The following ZNF407 variants were observed in gnomAD, a reference collection of about 807,000 sequenced individuals.
ZNF407 encodes the protein zinc finger protein 407.
A neutral mutation model predicts 131.2 loss-of-function variants in ZNF407; 17 were observed. The ratio of observed to expected loss-of-function variants is 0.13; its 90% confidence interval spans 0.09 to 0.19. The LOEUF (loss-of-function observed/expected upper bound fraction) is 0.19. Among genes scored for constraint, ZNF407 ranks in the 10% least tolerant of loss-of-function variants. The pLI is 1.00. For synonymous variants in ZNF407, 1,156 were observed against 1,062.0 expected, an observed-to-expected ratio of 1.09 and a Z score of -1.72; for missense variants, 2,681 against 2,830.6, an observed-to-expected ratio of 0.95 and a Z score of 1.20.
intron 3 of ZNF407, among the ~76,000 whole-genome samples, chr18:74,721,917 C>CGT (rs1968046157): frequency 6.6e-6 from 1 of 151,994 alleles, no homozygotes. Flanking sequence ...ATACTTTGAC[C>CGT]GTGTTATTCT....
At chr18:74,704,397 C>T (rs574490070) in intron 3 of ZNF407, among the ~76,000 whole-genome samples, 2 of 152,076 alleles carry the variant, frequency 1.3e-5, no homozygotes, top group African/African-American at 2.4e-5. Context: ...ACAGGTACAA[C>T]GGGGAAAATG....
chr18:74,898,249 T>G (rs1370591833), intron 7 of ZNF407: 1 of 152,230 alleles, frequency 6.6e-6, no homozygotes, highest in African/African-American at 2.4e-5. Flanking sequence ...GGCTCATCCC[T>G]AAGAATTTCT....
intron 3 of ZNF407, among the ~76,000 whole-genome samples, chr18:74,738,069 G>A (rs1448941013): frequency 6.6e-6 from 1 of 152,074 alleles, no homozygotes; most frequent in Non-Finnish European, 1.5e-5. Context: ...ACCAAATACT[G>A]TACTGTGGTA....
intron 8 of ZNF407, among the ~76,000 whole-genome samples, chr18:74,945,552 A>G (rs1972145718): frequency 1.3e-5 from 2 of 152,242 alleles, no homozygotes; most frequent in South Asian, 2.1e-4. Flanking sequence ...GAATTCTAAA[A>G]TAGAAAAAAT....
chr18:74,805,249 C>T (rs954576692), intron 4 of ZNF407, among the ~76,000 whole-genome samples: 14 of 152,148 alleles, frequency 9.2e-5, no homozygotes, highest in African/African-American at 3.4e-4. Context: ...TTTCATCTTA[C>T]TCTTCTGCTA....
At chr18:74,756,412 A>G (rs977518526) in intron 3 of ZNF407, among the ~76,000 whole-genome samples, 3 of 152,162 alleles carry the variant, frequency 2.0e-5, no homozygotes, top group Non-Finnish European at 2.9e-5. Flanking sequence ...TTTGGAAAGT[A>G]TTGTCACATA....
rs569804036 is a variant in ZNF407, at chr18:74,808,519, T to C, written c.4877+27017T>C. Among the ~76,000 whole-genome samples, 402 of 152,348 alleles carry C rather than the reference T, an allele frequency of 2.6e-3. 4 individuals carry two copies. Among genetic ancestry groups the C allele is most frequent in the African/African-American group, 9.1e-3 (380 of 41,574 alleles). ...CTTTAAAATTTTTAAATTTCAATTT[T>C]TGTGTCTATGGATGAAATTTATTGC... On this transcript the variant is annotated intron_variant, in intron 4 of 8. Coordinates refer to ENST00000299687, the MANE Select transcript of ZNF407 (RefSeq NM_017757.3).
intron 8 of ZNF407, among the ~76,000 whole-genome samples, chr18:75,020,648 T>C (rs1475131908): frequency 6.6e-6 from 1 of 152,142 alleles, no homozygotes; most frequent in African/African-American, 2.4e-5. Context: ...AGAGCTATAA[T>C]CAATTAGAAA....
intron 3 of ZNF407, among the ~76,000 whole-genome samples, chr18:74,737,397 T>C (rs1568190283): frequency 1.3e-5 from 2 of 152,352 alleles, no homozygotes; most frequent in Non-Finnish European, 2.9e-5. Flanking sequence ...TAACACACCA[T>C]TGTGCTTTGC....
At chr18:74,747,987 A>G (rs1968710683) in intron 3 of ZNF407, among the ~76,000 whole-genome samples, 1 of 152,178 alleles carries the variant, frequency 6.6e-6, no homozygotes, top group African/African-American at 2.4e-5. Context: ...ACAGTTCTAC[A>G]TAGGAAATAG....
At chr18:74,599,370 G>A (rs541771640) in intron 1 of ZNF407, among the ~76,000 whole-genome samples, 6 of 152,208 alleles carry the variant, frequency 3.9e-5, no homozygotes, top group African/African-American at 1.4e-4. Flanking sequence ...CAAACAATAG[G>A]ACAGTTCCAT....
chr18:74,967,448 C>T (rs907535529), intron 8 of ZNF407, among the ~76,000 whole-genome samples: 2 of 152,132 alleles, frequency 1.3e-5, no homozygotes, highest in African/African-American at 2.4e-5. Context: ...AGTTTTAGTA[C>T]TTAAAAATTG....
chr18:75,055,025 C>G (rs1375619806), intron 8 of ZNF407, among the ~76,000 whole-genome samples: 1 of 152,200 alleles, frequency 6.6e-6, no homozygotes, highest in Non-Finnish European at 1.5e-5. Flanking sequence ...GAGGGACACC[C>G]CCCTTCCCAT....
intron 8 of ZNF407, among the ~76,000 whole-genome samples, chr18:74,983,448 A>G (rs750465171): frequency 1.3e-5 from 2 of 152,188 alleles, no homozygotes; most frequent in Non-Finnish European, 2.9e-5. Context: ...AAACTTGCGT[A>G]TAACAACCGT....
intron 3 of ZNF407, among the ~76,000 whole-genome samples, chr18:74,704,251 T>G (rs1426012993): frequency 6.6e-6 from 1 of 152,208 alleles, no homozygotes; most frequent in Non-Finnish European, 1.5e-5. Context: ...CCACACATTT[T>G]CAGTAATTCT....
intron 8 of ZNF407, among the ~76,000 whole-genome samples, chr18:74,978,051 C>T (rs1046746399): frequency 6.6e-6 from 1 of 152,164 alleles, no homozygotes; most frequent in East Asian, 1.9e-4. Context: ...TTTTGTCTTA[C>T]AAGGTGCTTT....
chr18:74,964,789 A>C (rs867185644), intron 8 of ZNF407, among the ~76,000 whole-genome samples: 8 of 152,196 alleles, frequency 5.3e-5, no homozygotes, highest in African/African-American at 1.9e-4. Context: ...TTTGTAACCA[A>C]GATTTCTCAA....
rs776626351 is a variant in ZNF407 at position 75,063,013 on chromosome 18, G to A, written c.5429-137G>A. 26 of 795,470 alleles carry A rather than the reference G, an allele frequency of 3.3e-5. No homozygotes were observed. The highest frequency in any genetic ancestry group is 4.8e-5 in the Non-Finnish European group (24 of 502,642). The allele number at this position is 795,470 out of a possible 1,614,324, so 49.3% of individuals were successfully genotyped here. A position where few individuals can be genotyped will look rare whatever the true frequency, so the allele number is the denominator to read the frequency against. ...CTCTGGCCCTGCTGAAGCTTGCACT[G>A]TAGAGAGCTCTTCAGGGTTTGGAAT... On this transcript the variant is annotated intron_variant, in intron 8 of 8. Transcript: ENST00000299687. The surrounding 1 kb of genome is among the most constrained non-coding windows in gnomAD (Gnocchi z 6.6).
intron 8 of ZNF407, among the ~76,000 whole-genome samples, chr18:74,976,436 G>C (rs1294237006): frequency 6.6e-6 from 1 of 152,198 alleles, no homozygotes; most frequent in Non-Finnish European, 1.5e-5. Context: ...CAGCCCTGCA[G>C]GTTGATCACA....
Sources: gnomAD v4.1 joint callset for allele counts (sites outside exome capture counted in the v4.1 genomes callset) on GRCh38, gnomAD v4.1.1 for gene constraint, Gnocchi (gnomAD v3.1) non-coding constraint, MANE v1.5 for transcripts, NCBI Gene and HGNC (gene_info 2026-07-23, HGNC 2026-07-21) for gene names.